The following RABL6 variants were observed in gnomAD, a reference collection of about 807,000 sequenced individuals.
RABL6 encodes RAB, member RAS oncogene family like 6, also known as rab-like protein 6.
RABL6 carries 28 observed loss-of-function variants against 72.9 expected under a neutral mutation model. That is an observed-to-expected ratio of 0.38 (90% CI 0.28 to 0.53). RABL6 has a LOEUF of 0.53. RABL6 is among the 20% of genes least tolerant of loss of function. The pLI is 0.80. For missense variants in RABL6, 1,029 were observed against 1,008.4 expected (o/e 1.02, Z -0.28); for synonymous variants, 477 against 421.2 (o/e 1.13, Z -1.62).
intron 1 of RABL6, among the ~76,000 whole-genome samples, chr9:136,812,392 C>G (rs957901934): frequency 2.6e-5 from 4 of 152,132 alleles, no homozygotes; most frequent in African/African-American, 9.6e-5. Flanking sequence ...AAACTCATCT[C>G]TACTGAAAAT....
At chr9:136,825,003 C>T (rs1363220536) in intron 2 of RABL6, among the ~76,000 whole-genome samples, 1 of 151,640 alleles carries the variant, frequency 6.6e-6, no homozygotes, top group Non-Finnish European at 1.5e-5. Flanking sequence ...CTCTGGTTCT[C>T]CCTTCCCCTT....
At chr9:136,818,344 C>A (rs1258880335) in intron 1 of RABL6, among the ~76,000 whole-genome samples, 2 of 97,340 alleles carry the variant, frequency 2.1e-5, no homozygotes, top group African/African-American at 3.8e-5. Context: ...GCCTGGGCAA[C>A]AAAACCAGAC....
chr9:136,821,863 C>T, intron 1 of RABL6: 1 of 1,243,336 alleles, frequency 8.0e-7, no homozygotes, highest in Middle Eastern at 3.5e-4. Context: ...AAGCGCGGAG[C>T]CTCCTGGCTG....
At chr9:136,810,848 A>G (rs188673664) in intron 1 of RABL6, among the ~76,000 whole-genome samples, 2 of 152,240 alleles carry the variant, frequency 1.3e-5, no homozygotes, top group East Asian at 3.9e-4. Context: ...GCTTTCTGGT[A>G]TTTATTTTCT....
At chr9:136,811,340 G>A (rs991860715) in intron 1 of RABL6, among the ~76,000 whole-genome samples, 40 of 152,164 alleles carry the variant, frequency 2.6e-4, no homozygotes, top group Admixed American at 5.2e-4. Flanking sequence ...TTTTTTTGCC[G>A]GGCGCGGTGG....
chr9:136,831,961 T>A, intron 6 of RABL6, 100 bp downstream of exon 6: 2 of 1,451,800 alleles, frequency 1.4e-6, no homozygotes, highest in Non-Finnish European at 1.8e-6. Context: ...AACGTTAGCA[T>A]GGGGCCCGGC....
At chr9:136,832,422 C>T in intron 7 of RABL6, 52 bp downstream of exon 7, 1 of 1,392,130 alleles carries the variant, frequency 7.2e-7, no homozygotes, top group Admixed American at 1.7e-5. Context: ...CACCTCCTTC[C>T]AGGTGTCTCC....
intron 1 of RABL6, among the ~76,000 whole-genome samples, chr9:136,810,640 C>G (rs1386746350): frequency 6.6e-6 from 1 of 152,150 alleles, no homozygotes; most frequent in Non-Finnish European, 1.5e-5. Context: ...CTCCCGGGTT[C>G]ACACCATTCT....
chr9:136,810,949 T>A (rs896023127), intron 1 of RABL6, among the ~76,000 whole-genome samples: 1 of 152,146 alleles, frequency 6.6e-6, no homozygotes, highest in Non-Finnish European at 1.5e-5. Context: ...CTGCTGCGGG[T>A]TTCCAGGAGT....
chr9:136,818,362 C>CAAAAAAAAAAAAAAAACA (rs1564360779), intron 1 of RABL6, among the ~76,000 whole-genome samples: 2 of 15,022 alleles, frequency 1.3e-4, no homozygotes, highest in South Asian at 3.7e-3. Flanking sequence ...GACTCTGTCT[C>CAAAAAAAAAAAAAAAACA]AAAAAAAAAA....
Position 136,829,422 on chromosome 9 carries a change from G to C in RABL6, c.396G>C (p.Glu132Asp). The change falls in exon 5 of 15, where the codon GAG becomes GAC. Residue 132 changes from glutamate to aspartate, a missense_variant. Physicochemically the swap from Glu to Asp is conservative, Grantham distance 45. Around this residue, in one of 2 missense-constraint regions of RABL6, gnomAD observed 434 missense variants for 536.1 expected, o/e 0.81. Coordinates refer to ENST00000311502, the MANE Select transcript of RABL6 (RefSeq NM_024718.5). ...AGTCTGAAATGGCCCTGGATGCTGA[G>C]TTCCTGGACGTGTACAAGAACTGCA... is the stretch of plus-strand genomic sequence containing the variant. ...EAESEMALDA[E>D]FLDVYKNCNG... The C allele has an allele frequency of 6.3e-7, 1 of 1,582,166 alleles. No homozygotes were observed. Among genetic ancestry groups the C allele is most frequent in the Non-Finnish European group, 8.6e-7 (1 of 1,164,376 alleles).
chr9:136,841,070 T>C lies in RABL6; in HGVS notation c.*548T>C. The C allele has an allele frequency of 7.1e-7, 1 of 1,410,006 alleles. No homozygotes were observed. Among genetic ancestry groups the C allele is most frequent in the East Asian group, 2.6e-5 (1 of 38,060 alleles). The allele number at this position is 1,410,006 out of a possible 1,614,324, so 87.3% of individuals were successfully genotyped here. On this transcript the variant is annotated 3_prime_UTR_variant, in exon 15 of 15. Coordinates refer to ENST00000311502, the MANE Select transcript of RABL6 (RefSeq NM_024718.5). ...TGAGGCCTCTCCTGGGAGTGGGGGT[T>C]GTGTTTCCCACAGTGGCCTCAGCTG...
chr9:136,821,495 G>T (rs1848236132), intron 1 of RABL6: 2 of 985,390 alleles, frequency 2.0e-6, no homozygotes, highest in African/African-American at 1.7e-5. Flanking sequence ...TTCTCTCGCG[G>T]GCCCAGCGAG....
chr9:136,838,088 G>A, intron 10 of RABL6, 73 bp downstream of exon 10: 1 of 1,522,412 alleles, frequency 6.6e-7, no homozygotes, highest in Non-Finnish European at 8.9e-7. Context: ...AGGTGGGGCT[G>A]GCTTTCTAGG....
At chr9:136,822,196 G>T (rs1848252425) in intron 1 of RABL6, 3 of 912,660 alleles carry the variant, frequency 3.3e-6, no homozygotes, top group African/African-American at 3.5e-5. Flanking sequence ...AGAAAACCTG[G>T]GGGGGGCGTT....
intron 1 of RABL6, among the ~76,000 whole-genome samples, chr9:136,820,576 G>T (rs1848216288): frequency 6.6e-6 from 1 of 152,148 alleles, no homozygotes; most frequent in Admixed American, 6.6e-5. Context: ...TCTCCATGTT[G>T]TCCAGGCTGG....
At chr9:136,821,831 G>A (rs998842337) in intron 1 of RABL6, 12 of 1,194,204 alleles carry the variant, frequency 1.0e-5, no homozygotes, top group South Asian at 1.5e-5. Flanking sequence ...CCAGCCTTCC[G>A]CGGGGTGGGC....
At chr9:136,809,147 C>G (rs1367450022) in intron 1 of RABL6, 1 of 152,482 alleles carries the variant, frequency 6.6e-6, no homozygotes, top group Non-Finnish European at 1.5e-5. Context: ...TAGGACGCTA[C>G]GCCTATCCAG....
intron 1 of RABL6, chr9:136,809,398 C>T: frequency 3.8e-6 from 1 of 261,886 alleles, no homozygotes; most frequent in Non-Finnish European, 8.2e-6. Context: ...CTGCAGACCA[C>T]TCGGGCCACC....
Sources: allele counts gnomAD v4.1 joint callset (sites outside exome capture counted in the v4.1 genomes callset), GRCh38; gene constraint gnomAD v4.1.1; regional missense constraint gnomAD v4.1.1; transcripts MANE v1.5; gene names NCBI Gene and HGNC (gene_info 2026-07-23, HGNC 2026-07-21).